The following NKAIN3 variants were observed in gnomAD, a reference collection of about 807,000 sequenced individuals.
NKAIN3 encodes sodium/potassium-transporting ATPase subunit beta-1-interacting protein 3.
Under a neutral mutation model 30.2 loss-of-function variants are expected in NKAIN3, and 25 were observed. The observed-to-expected ratio is 0.83, with a 90% CI of 0.60 to 1.16. The LOEUF (loss-of-function observed/expected upper bound fraction) is 1.16, where lower values mean the gene tolerates loss of function less well. NKAIN3 is among the 50% of genes most tolerant of loss of function. The pLI, the probability that NKAIN3 is intolerant of heterozygous loss-of-function variation, is 0.00. For synonymous variants in NKAIN3, 91 were observed against 89.6 expected (o/e 1.02, Z -0.09); for missense variants, 225 against 254.1 (o/e 0.89, Z 0.78).
At position 62,728,415 on chromosome 8, in the gene NKAIN3, C is replaced by A. The variant is rs1815327353; in HGVS notation, c.274-18517C>A. On this transcript the variant is annotated intron_variant, in intron 3 of 6. Coordinates refer to ENST00000623646, the MANE Select transcript of NKAIN3 (RefSeq NM_001304533.3). Reference sequence around the variant, plus strand: ...CGGTGGCTCACACCTGTAATCCCAGCACTTTGAGAGGCCGAGGTGGGCGGA... The same window carrying A: ...CGGTGGCTCACACCTGTAATCCCAGAACTTTGAGAGGCCGAGGTGGGCGGA... Among the ~76,000 whole-genome samples, 4 of 152,300 alleles carry A rather than the reference C, an allele frequency of 2.6e-5. No homozygotes were observed. In the South Asian group the frequency reaches 8.3e-4, roughly 32 times the overall value.
intron 1 of NKAIN3, among the ~76,000 whole-genome samples, chr8:62,252,615 C>T (rs1015476551): frequency 1.3e-5 from 2 of 151,670 alleles, no homozygotes; most frequent in African/African-American, 4.8e-5. Context: ...CCTGATTTTC[C>T]TAGATGAAAT....
In NKAIN3 at chr8:62,277,010, T is replaced by C. The variant is rs546337754; in HGVS notation, c.54+27883T>C. Among the ~76,000 whole-genome samples, 125 of 152,292 alleles carry C rather than the reference T, an allele frequency of 8.2e-4. 1 individual carries two copies. The South Asian group carries it at 0.024, about 29-fold the overall frequency. On this transcript the variant is annotated intron_variant, in intron 1 of 6. Transcript: ENST00000623646. ...TGAATTCTGTAAGTTTTTGGCATTA[T>C]AATTTTAATTAATTGTTAATAATAG...
At chr8:62,430,247 T>C (rs2129597412) in intron 1 of NKAIN3, among the ~76,000 whole-genome samples, 1 of 151,932 alleles carries the variant, frequency 6.6e-6, no homozygotes, top group East Asian at 1.9e-4. Flanking sequence ...TATACATTCA[T>C]CTATTGATGG....
At chr8:62,291,157 C>G (rs1372568709) in intron 1 of NKAIN3, among the ~76,000 whole-genome samples, 4 of 152,078 alleles carry the variant, frequency 2.6e-5, no homozygotes, top group South Asian at 4.1e-4. Context: ...TGCTAGCAGT[C>G]CATCAATTTT....
At chr8:62,986,883 C>A (rs912736171), downstream of NKAIN3, among the ~76,000 whole-genome samples, 4 of 152,126 alleles carry the variant, frequency 2.6e-5, no homozygotes, top group African/African-American at 9.7e-5. Context: ...TAAACTCATC[C>A]ATTATCTGAC....
At chr8:62,480,790 T>C (rs917562527) in intron 1 of NKAIN3, among the ~76,000 whole-genome samples, 3 of 152,094 alleles carry the variant, frequency 2.0e-5, no homozygotes, top group Non-Finnish European at 2.9e-5. Context: ...TGAATAATGA[T>C]GAGCAGTAGG....
chr8:62,363,415 C>T (rs1306172375), intron 1 of NKAIN3, among the ~76,000 whole-genome samples: 1 of 152,104 alleles, frequency 6.6e-6, no homozygotes, highest in African/African-American at 2.4e-5. Context: ...CAGTAGGTAG[C>T]TACCTAACAA....
At chr8:62,338,997 A>G (rs2351947) in intron 1 of NKAIN3, among the ~76,000 whole-genome samples, 5,724 of 152,032 alleles carry the variant, frequency 0.038, 381 homozygotes, top group African/African-American at 0.13. Flanking sequence ...ATTAACCATC[A>G]CAGCTCTTGA....
At chr8:62,926,368 C>A (rs1822442796) in intron 5 of NKAIN3, among the ~76,000 whole-genome samples, 1 of 152,150 alleles carries the variant, frequency 6.6e-6, no homozygotes, top group Non-Finnish European at 1.5e-5. Context: ...GCTGGCTCTG[C>A]CAGCCCCCCT....
chr8:62,863,053 T>C, intron 4 of NKAIN3: 1 of 871,684 alleles, frequency 1.1e-6, no homozygotes, highest in Non-Finnish European at 1.8e-6. Flanking sequence ...AGACTCTAGG[T>C]GCTTTGATCC....
Position 62,853,278 on chromosome 8 carries a change from C to T in NKAIN3, c.472-65175C>T, listed in dbSNP as rs142189992. ...TTTATCAGAGAGTAAGATTGCAACC[C>T]CTGCCTTCTTTTGTTTTCCATTTGC... On this transcript the variant is annotated intron_variant, in intron 4 of 6. Transcript: ENST00000623646. Among the ~76,000 whole-genome samples, 327 of 152,084 alleles carry T rather than the reference C, an allele frequency of 2.2e-3. 2 individuals are homozygous for T. The highest frequency in any genetic ancestry group is 7.3e-3 in the African/African-American group (301 of 41,492).
At chr8:62,630,486 A>G (rs1196539523) in intron 3 of NKAIN3, among the ~76,000 whole-genome samples, 1 of 152,072 alleles carries the variant, frequency 6.6e-6, no homozygotes, top group Non-Finnish European at 1.5e-5. Context: ...TTGGTTCTTA[A>G]AGGCTGACAG....
chr8:62,288,758 G>T (rs7843424), intron 1 of NKAIN3, among the ~76,000 whole-genome samples: 1 of 152,106 alleles, frequency 6.6e-6, no homozygotes, highest in Non-Finnish European at 1.5e-5. Context: ...TATATGCCCA[G>T]TAATAGGATG....
intron 1 of NKAIN3, among the ~76,000 whole-genome samples, chr8:62,351,911 G>A (rs528454787): frequency 2.6e-4 from 40 of 152,302 alleles, no homozygotes; most frequent in Admixed American, 2.5e-3. Flanking sequence ...AACTGTGGAA[G>A]AAGAAGCAGG....
At chr8:62,671,455 A>G (rs1274060820) in intron 3 of NKAIN3, among the ~76,000 whole-genome samples, 1 of 152,208 alleles carries the variant, frequency 6.6e-6, no homozygotes, top group Non-Finnish European at 1.5e-5. Flanking sequence ...AAAGTGTTAG[A>G]ATTATTTTAA....
chr8:62,419,203 C>G (rs1804555292), intron 1 of NKAIN3, among the ~76,000 whole-genome samples: 1 of 152,156 alleles, frequency 6.6e-6, no homozygotes, highest in African/African-American at 2.4e-5. Context: ...TATACTTTAA[C>G]TGAGATTGTA....
intron 1 of NKAIN3, among the ~76,000 whole-genome samples, chr8:62,385,296 G>A (rs543197531): frequency 6.6e-6 from 1 of 152,228 alleles, no homozygotes; most frequent in Admixed American, 6.5e-5. Context: ...TAACCCTGGA[G>A]GGTACAACTC....
intron 4 of NKAIN3, among the ~76,000 whole-genome samples, chr8:62,815,934 A>C (rs753411328): frequency 2.1e-4 from 32 of 152,144 alleles, no homozygotes; most frequent in Non-Finnish European, 4.1e-4. Context: ...TTGAGATCAT[A>C]GTTTTCAAGA....
chr8:62,560,407 A>G (rs1809528805), intron 1 of NKAIN3, among the ~76,000 whole-genome samples: 1 of 149,718 alleles, frequency 6.7e-6, no homozygotes, highest in Non-Finnish European at 1.5e-5. Context: ...AATGTCAGAT[A>G]TTTTGTTATA....
Sources: allele counts gnomAD v4.1 joint callset (sites outside exome capture counted in the v4.1 genomes callset), GRCh38; gene constraint gnomAD v4.1.1; transcripts MANE v1.5; gene names NCBI Gene and HGNC (gene_info 2026-07-23, HGNC 2026-07-21).